Variants in EPC1 observed in about 807,000 individuals in gnomAD.
EPC1 encodes the protein enhancer of polycomb 1.
Under a neutral mutation model 98.4 loss-of-function variants are expected in EPC1, and 12 were observed. The observed-to-expected ratio is 0.12, with a 90% CI of 0.08 to 0.20. The LOEUF (loss-of-function observed/expected upper bound fraction) is 0.20, where lower values mean the gene tolerates loss of function less well. EPC1 is among the 10% of genes least tolerant of loss of function. The pLI is 1.00. For missense variants in EPC1, 729 were observed against 990.5 expected, an observed-to-expected ratio of 0.74 and a Z score of 3.54; for synonymous variants, 357 against 363.9, an observed-to-expected ratio of 0.98 and a Z score of 0.21.
chr10:32,286,600 G>A, intron 9 of EPC1, 94 bp downstream of exon 9: 1 of 1,401,904 alleles, frequency 7.1e-7, no homozygotes, highest in Non-Finnish European at 9.8e-7. Flanking sequence ...AGGAACTAAT[G>A]AGTTGTTCAG....
chr10:32,309,820 T>C (rs1041200478), intron 1 of EPC1, among the ~76,000 whole-genome samples: 2 of 150,738 alleles, frequency 1.3e-5, no homozygotes, highest in African/African-American at 4.9e-5. Flanking sequence ...AAATAAACCA[T>C]AATAAAATTA....
chr10:32,354,477 A>G (rs1218442586), intron 1 of EPC1, among the ~76,000 whole-genome samples: 2 of 152,128 alleles, frequency 1.3e-5, no homozygotes, highest in African/African-American at 2.4e-5. Flanking sequence ...AAAATGCGTG[A>G]TTTAAACAAA....
Position 32,368,241 on chromosome 10 carries a change from G to A in EPC1, c.3+10250C>T, listed in dbSNP as rs78372383. 3.5e-3 allele frequency among the ~76,000 whole-genome samples: 527 copies of A among 152,312 alleles called. 5 individuals are homozygous for A. The highest frequency in any genetic ancestry group is 0.012 in the African/African-American group (498 of 41,556). On this transcript the variant is annotated intron_variant, in intron 1 of 13. Coordinates refer to the EPC1 transcript ENST00000375110. ...TTTGAACTGGTGCTCTGTGGGCAAT[G>A]CCTGATTTCTAGGTTCCCCAGCTTG...
chr10:32,276,523 C>T (rs540082898), intron 10 of EPC1, among the ~76,000 whole-genome samples: 24 of 152,206 alleles, frequency 1.6e-4, no homozygotes, highest in Non-Finnish European at 2.2e-4. Context: ...AAAATAAATA[C>T]ATAAATAAAT....
chr10:32,349,470 C>G (rs1032001115), upstream of EPC1, among the ~76,000 whole-genome samples: 1 of 152,176 alleles, frequency 6.6e-6, no homozygotes, highest in Non-Finnish European at 1.5e-5. Flanking sequence ...TTTTTCTCAT[C>G]ATTCCTTTAT....
intron 1 of EPC1, among the ~76,000 whole-genome samples, chr10:32,375,853 G>T (rs1487714698): frequency 6.6e-6 from 1 of 151,674 alleles, no homozygotes; most frequent in Non-Finnish European, 1.5e-5. Flanking sequence ...GACTGAGTTA[G>T]TTCTCTATCT....
At chr10:32,360,647 A>G (rs1839416507) in intron 1 of EPC1, among the ~76,000 whole-genome samples, 1 of 152,180 alleles carries the variant, frequency 6.6e-6, no homozygotes, top group Non-Finnish European at 1.5e-5. Context: ...TAATCCCTGC[A>G]CTTTGGGAGG....
chr10:32,290,698 T>C (rs1168830821), intron 6 of EPC1, among the ~76,000 whole-genome samples: 1 of 151,958 alleles, frequency 6.6e-6, no homozygotes, highest in South Asian at 2.1e-4. Flanking sequence ...ATTTTAATTA[T>C]AGACTTCTGC....
intron 1 of EPC1, among the ~76,000 whole-genome samples, chr10:32,309,527 C>T (rs1228343730): frequency 7.0e-6 from 1 of 143,728 alleles, no homozygotes; most frequent in Non-Finnish European, 1.5e-5. Context: ...TTCCACTCAA[C>T]TCTCTCCTAT....
At chr10:32,352,810 G>T (rs963363636) in intron 1 of EPC1, among the ~76,000 whole-genome samples, 10 of 152,288 alleles carry the variant, frequency 6.6e-5, no homozygotes, top group African/African-American at 1.9e-4. Flanking sequence ...TAGAGAGGTT[G>T]TGTGACTGGC....
chr10:32,344,937 T>C (rs1440647676), intron 1 of EPC1, among the ~76,000 whole-genome samples: 1 of 152,244 alleles, frequency 6.6e-6, no homozygotes, highest in Non-Finnish European at 1.5e-5. Context: ...AAGACTTAAC[T>C]AAAGTCTAAA....
At chr10:32,316,840 CTAAT>C (rs1466762453) in intron 1 of EPC1, among the ~76,000 whole-genome samples, 1 of 152,090 alleles carries the variant, frequency 6.6e-6, no homozygotes, top group Non-Finnish European at 1.5e-5. Context: ...ATAGTGAACT[CTAAT>C]GAATGATATG....
rs1460479456 is a variant in EPC1 at position 32,272,909 on chromosome 10, T to C, written c.1863+254A>G. On this transcript the variant is annotated intron_variant, in intron 11 of 13. Transcript: ENST00000319778. ...GTTATATATTCAAGAGGTACATTAA[T>C]GGACTACAGGTCAGACGGGAAGACA... 66 of 885,126 alleles carry C rather than the reference T, an allele frequency of 7.5e-5. 1 individual carries two copies. In the East Asian group the frequency reaches 1.6e-3, roughly 22 times the overall value. 54.8% of individuals were successfully genotyped at this position (885,126 alleles called of 1,614,324 possible).
chr10:32,341,821 TCA>T (rs1406826808), intron 1 of EPC1, among the ~76,000 whole-genome samples: 1 of 152,216 alleles, frequency 6.6e-6, no homozygotes, highest in African/African-American at 2.4e-5. Flanking sequence ...CCAAAATGAC[TCA>T]GTTTGAAATT....
chr10:32,318,024 C>T (rs184603550), intron 1 of EPC1, among the ~76,000 whole-genome samples: 2 of 152,192 alleles, frequency 1.3e-5, no homozygotes, highest in African/African-American at 2.4e-5. Flanking sequence ...CTCTCATGTC[C>T]TTATTTGTAC....
chr10:32,335,962 A>G (rs1837935417), intron 1 of EPC1, among the ~76,000 whole-genome samples: 1 of 151,768 alleles, frequency 6.6e-6, no homozygotes, highest in African/African-American at 2.4e-5. Flanking sequence ...TTCCATCCCA[A>G]TTGAGTCCTA....
At chr10:32,285,904 T>A (rs1406374924) in intron 9 of EPC1, 4 of 152,062 alleles carry the variant, frequency 2.6e-5, no homozygotes, top group Non-Finnish European at 5.9e-5. Context: ...TCAGCAGTGA[T>A]GGAAAAAAAC....
chr10:32,375,667 G>T (rs1344390179), intron 1 of EPC1, among the ~76,000 whole-genome samples: 4 of 151,934 alleles, frequency 2.6e-5, no homozygotes, highest in Non-Finnish European at 4.4e-5. Context: ...CCATCAGAGG[G>T]ATGGGCAGGA....
intron 1 of EPC1, among the ~76,000 whole-genome samples, chr10:32,343,501 G>A (rs1005411383): frequency 2.6e-5 from 4 of 152,206 alleles, no homozygotes; most frequent in Non-Finnish European, 4.4e-5. Context: ...GTGAGCCACC[G>A]CATCCTGCCA....
Sources: allele counts gnomAD v4.1 joint callset (sites outside exome capture counted in the v4.1 genomes callset), GRCh38; gene constraint gnomAD v4.1.1; transcripts MANE v1.5; gene names NCBI Gene and HGNC (gene_info 2026-07-23, HGNC 2026-07-21).